SLC35F3: variants seen among roughly 807,000 people sequenced by gnomAD.
The protein encoded by SLC35F3 is putative thiamine transporter SLC35F3.
In SLC35F3, 25 loss-of-function variants were observed where a neutral mutation model predicts 49.9. The observed-to-expected ratio is 0.50, with a 90% CI of 0.37 to 0.70. The LOEUF (loss-of-function observed/expected upper bound fraction) is 0.70, where lower values mean the gene tolerates loss of function less well. Ranked by LOEUF, SLC35F3 falls within the 30% of genes least tolerant of loss-of-function variation. SLC35F3 has a pLI of 0.00. For missense variants in SLC35F3, 525 were observed against 639.8 expected (o/e 0.82, Z 1.94); for synonymous variants, 275 against 265.4 (o/e 1.04, Z -0.35).
At chr1:234,150,695 T>C (rs1666063902) in intron 2 of SLC35F3, among the ~76,000 whole-genome samples, 1 of 151,968 alleles carries the variant, frequency 6.6e-6, no homozygotes, top group African/African-American at 2.4e-5. Flanking sequence ...CGTTTTTCCA[T>C]TCTGTCTATA....
rs10645395 is a variant in SLC35F3, at chr1:234,068,823, TTATATATATATATA to T, written c.284-162574_284-162561del. ...GAGTGACAGGATAAGATTTGAGACA[TTATATATATATATA>T]TATATATATATATATATATGGCATA... On this transcript the variant is annotated intron_variant, in intron 2 of 7. Coordinates refer to ENST00000366618, the MANE Select transcript of SLC35F3 (RefSeq NM_173508.4). Among the ~76,000 whole-genome samples the T allele has an allele frequency of 8.3e-4, 59 of 71,154 alleles. 9 individuals are homozygous for T. Among genetic ancestry groups the T allele is most frequent in the African/African-American group, 2.0e-3 (34 of 17,000 alleles). 46.7% of individuals were successfully genotyped at this position (71,154 alleles called of 152,430 possible).
intron 2 of SLC35F3, among the ~76,000 whole-genome samples, chr1:233,914,690 G>A (rs1661938953): frequency 6.6e-6 from 1 of 152,196 alleles, no homozygotes; most frequent in East Asian, 1.9e-4. Context: ...TCACAAAGAT[G>A]TGGACACCCA....
At chr1:233,964,217 A>G (rs1175219822) in intron 2 of SLC35F3, among the ~76,000 whole-genome samples, 12 of 152,120 alleles carry the variant, frequency 7.9e-5, no homozygotes, top group Non-Finnish European at 1.2e-4. Flanking sequence ...GAAGAGTGAA[A>G]ATCCTGATTC....
At chr1:234,008,089 G>T (rs1357252174) in intron 2 of SLC35F3, among the ~76,000 whole-genome samples, 1 of 152,210 alleles carries the variant, frequency 6.6e-6, no homozygotes, top group Non-Finnish European at 1.5e-5. Context: ...TGTCCCAGAT[G>T]CCTTTGCACT....
intron 2 of SLC35F3, among the ~76,000 whole-genome samples, chr1:234,152,998 A>T (rs543148059): frequency 2.0e-5 from 3 of 152,098 alleles, no homozygotes; most frequent in African/African-American, 7.2e-5. Flanking sequence ...ACTTTTTTTC[A>T]TATGTATGTT....
intron 2 of SLC35F3, among the ~76,000 whole-genome samples, chr1:233,988,586 T>A (rs1663303613): frequency 6.6e-6 from 1 of 152,168 alleles, no homozygotes. Flanking sequence ...ATTCCCACCC[T>A]CCACATGCTC....
At chr1:234,226,811 G>A (rs1442513508) in intron 2 of SLC35F3, among the ~76,000 whole-genome samples, 2 of 152,190 alleles carry the variant, frequency 1.3e-5, no homozygotes, top group Non-Finnish European at 2.9e-5. Flanking sequence ...GATTTTGCAG[G>A]TGGCGGGTTT....
At chr1:234,218,296 G>C (rs991814949) in intron 2 of SLC35F3, among the ~76,000 whole-genome samples, 1 of 152,150 alleles carries the variant, frequency 6.6e-6, no homozygotes, top group Non-Finnish European at 1.5e-5. Flanking sequence ...ATTCCCCCAA[G>C]AGGCGTGCAG....
rs544997234 is a variant in SLC35F3, at chr1:234,014,074, C to T, written c.283+108316C>T. On this transcript the variant is annotated intron_variant, in intron 2 of 7. Transcript: ENST00000366618. ...TATAGACCAATATTCCTGATGAATACAGATGAAAAAATCCTCAATAAAATA... is the reference window on the plus strand; with the variant it reads ...TATAGACCAATATTCCTGATGAATATAGATGAAAAAATCCTCAATAAAATA... 3.3e-5 allele frequency among the ~76,000 whole-genome samples: 5 copies of T among 152,162 alleles called. No homozygotes were observed. In the South Asian group the frequency reaches 1.0e-3, roughly 32 times the overall value.
In SLC35F3 at chr1:234,214,619, G is replaced by T. The variant is rs1259909609; in HGVS notation, c.284-16798G>T. 6.6e-7 allele frequency: 1 copy of T among 1,507,020 alleles called. No individual in the cohort carries two copies. The highest frequency in any genetic ancestry group is 1.3e-5 in the South Asian group (1 of 79,258). 93.4% of individuals were successfully genotyped at this position (1,507,020 alleles called of 1,614,324 possible). ...CCCCGGGGGTCCCTGCACCCTAGCC[G>T]GGGAATGCTGCCACCCTGAGGGGGG... On this transcript the variant is annotated intron_variant, in intron 2 of 7. Coordinates refer to ENST00000366618, the MANE Select transcript of SLC35F3 (RefSeq NM_173508.4). This position sits in a 1 kb window ranked among gnomAD's most constrained non-coding sequence, Gnocchi z 8.0.
intron 2 of SLC35F3, among the ~76,000 whole-genome samples, chr1:234,005,842 A>C (rs541457150): frequency 6.6e-6 from 1 of 152,264 alleles, no homozygotes; most frequent in East Asian, 1.9e-4. Context: ...AAGACTACGA[A>C]GCATTAGAGG....
In SLC35F3 at chr1:234,311,363, A is replaced by G. The variant is rs150630523; in HGVS notation, c.828+2043A>G. On this transcript the variant is annotated intron_variant, in intron 4 of 7. Coordinates refer to ENST00000366618, the MANE Select transcript of SLC35F3 (RefSeq NM_173508.4). The stretch of plus-strand genomic sequence containing the variant: ...TGGTGCATGGGACCGCTCAGACTTC[A>G]CTCAGACCTGGGTTGGCTGGCACTG... Among the ~76,000 whole-genome samples the G allele has an allele frequency of 4.6e-5, 7 of 152,310 alleles. No homozygotes were observed. In the East Asian group the frequency reaches 1.3e-3, roughly 29 times the overall value.
At chr1:233,952,801 G>T (rs1162645038) in intron 2 of SLC35F3, among the ~76,000 whole-genome samples, 1 of 152,062 alleles carries the variant, frequency 6.6e-6, no homozygotes, top group Non-Finnish European at 1.5e-5. Flanking sequence ...CCATTGACAC[G>T]GGTAGGCTTT....
At chr1:234,270,304 A>C (rs1334249098) in intron 3 of SLC35F3, among the ~76,000 whole-genome samples, 1 of 152,160 alleles carries the variant, frequency 6.6e-6, no homozygotes, top group East Asian at 1.9e-4. Context: ...TCTGCCAGTG[A>C]GTCATAAAAT....
intron 2 of SLC35F3, among the ~76,000 whole-genome samples, chr1:233,997,814 C>T (rs932542718): frequency 6.6e-6 from 1 of 151,870 alleles, no homozygotes; most frequent in Non-Finnish European, 1.5e-5. Context: ...TGCAATGGCA[C>T]AATCTTGGCT....
chr1:234,165,162 G>A (rs1221514255), intron 2 of SLC35F3, among the ~76,000 whole-genome samples: 2 of 151,346 alleles, frequency 1.3e-5, no homozygotes, highest in East Asian at 4.0e-4. Flanking sequence ...CGTATATATA[G>A]CATTGAATAT....
chr1:234,260,223 C>T (rs1667881903), intron 3 of SLC35F3, among the ~76,000 whole-genome samples: 1 of 152,092 alleles, frequency 6.6e-6, no homozygotes, highest in African/African-American at 2.4e-5. Context: ...GAAGAATCAC[C>T]CAGGAAGCTG....
At chr1:234,049,043 T>TG (rs1664334426) in intron 2 of SLC35F3, among the ~76,000 whole-genome samples, 1 of 152,250 alleles carries the variant, frequency 6.6e-6, no homozygotes, top group African/African-American at 2.4e-5. Flanking sequence ...CAACTATATC[T>TG]GATTTAAATC....
At chr1:233,962,564 G>A (rs4330980) in intron 2 of SLC35F3, among the ~76,000 whole-genome samples, 3,583 of 152,276 alleles carry the variant, frequency 0.024, 60 homozygotes, top group South Asian at 0.067. Flanking sequence ...AATGAATCAA[G>A]GTCTTTGGTA....
Sources: gnomAD v4.1 joint callset for allele counts (sites outside exome capture counted in the v4.1 genomes callset) on GRCh38, gnomAD v4.1.1 for gene constraint, Gnocchi (gnomAD v3.1) non-coding constraint, MANE v1.5 for transcripts, NCBI Gene and HGNC (gene_info 2026-07-23, HGNC 2026-07-21) for gene names.